The following PLEKHA1 variants were observed in gnomAD, a reference collection of about 807,000 sequenced individuals.
PLEKHA1 encodes the protein pleckstrin homology domain-containing family A member 1.
In PLEKHA1, 34 loss-of-function variants were observed where a neutral mutation model predicts 52.0. The ratio of observed to expected loss-of-function variants is 0.65; its 90% CI spans 0.50 to 0.87. The LOEUF is 0.87. Among genes scored for constraint, PLEKHA1 ranks in the 40% least tolerant of loss-of-function variants. The probability of loss-of-function intolerance (pLI) is 0.00; values close to 1 mark genes in which losing one functional copy is unlikely to be tolerated. For synonymous variants in PLEKHA1, 163 were observed against 170.7 expected, an observed-to-expected ratio of 0.95 and a Z score of 0.35; for missense variants, 497 against 504.2, an observed-to-expected ratio of 0.99 and a Z score of 0.14.
rs970633917 is a variant in PLEKHA1 at position 122,414,050 on chromosome 10, T to C, written c.468+1005T>C. Among the ~76,000 whole-genome samples, 3 of 152,258 alleles carry C rather than the reference T, an allele frequency of 2.0e-5. No homozygotes were observed. In the East Asian group the frequency reaches 5.8e-4, roughly 29 times the overall value. On this transcript the variant is annotated intron_variant, in intron 6 of 11. Transcript: ENST00000368990. ...GGTATGTTAATGAACAGAAATTCCC[T>C]GCTGTCATAGAGCATACATTTTCCA...
intron 1 of PLEKHA1, among the ~76,000 whole-genome samples, chr10:122,376,519 T>G (rs937735701): frequency 3.0e-4 from 24 of 80,922 alleles, no homozygotes; most frequent in African/African-American, 9.6e-4. Flanking sequence ...TATATATATA[T>G]ATATATATAT....
intron 4 of PLEKHA1, 119 bp from the exon 5 acceptor site, chr10:122,406,457 A>G: frequency 2.6e-6 from 2 of 755,658 alleles, no homozygotes; most frequent in East Asian, 2.5e-5. Context: ...GGTCTGATAT[A>G]TTTTGTCAAA....
At position 122,395,308 on chromosome 10, in the gene PLEKHA1, AGTTT is replaced by A. The variant is rs1290310093; in HGVS notation, c.141+1971_141+1974del. ...TAAGTACAGAATTTAAATATTTTTT[AGTTT>A]GTTCTTATTAATTTTATATCTTCTT... is the stretch of plus-strand genomic sequence containing the variant. On this transcript the variant is annotated intron_variant, in intron 2 of 11. Coordinates refer to ENST00000368990, the MANE Select transcript of PLEKHA1 (RefSeq NM_001001974.4). 1.7e-4 allele frequency among the ~76,000 whole-genome samples: 26 copies of A among 152,106 alleles called. No homozygotes were observed. In the East Asian group the frequency reaches 4.6e-3, roughly 27 times the overall value.
rs1326838520 is a variant in PLEKHA1, at chr10:122,431,975, T to A, written c.*2037T>A. ...ACTTTAGTATTTGCAATTTGATATA[T>A]TTCATGGTGGCAAAATATTAGCTCT... On this transcript the variant is annotated 3_prime_UTR_variant, in exon 12 of 12. Transcript: ENST00000368990. 1 of 152,210 alleles carries A rather than the reference T, an allele frequency of 6.6e-6. No homozygotes were observed. The highest frequency in any genetic ancestry group is 2.4e-5 in the African/African-American group (1 of 41,450). 9.4% of individuals were successfully genotyped at this position (152,210 alleles called of 1,614,324 possible). A position where few individuals can be genotyped will look rare whatever the true frequency, so the allele number is the denominator to read the frequency against.
At chr10:122,433,525 T>C (rs1000203756), downstream of PLEKHA1, 4 of 4,362 alleles carry the variant, frequency 9.2e-4, no homozygotes, top group African/African-American at 2.3e-3. Context: ...ATAGGCTTAG[T>C]GTTCTTTTTT....
intron 1 of PLEKHA1, among the ~76,000 whole-genome samples, chr10:122,391,384 C>T (rs542978083): frequency 5.3e-5 from 8 of 152,100 alleles, no homozygotes; most frequent in Non-Finnish European, 8.8e-5. Flanking sequence ...ATATTTTCTT[C>T]TGAAAGTTTT....
chr10:122,398,505 T>A (rs989050350), intron 3 of PLEKHA1, among the ~76,000 whole-genome samples: 2 of 152,066 alleles, frequency 1.3e-5, no homozygotes, highest in African/African-American at 4.8e-5. Flanking sequence ...AAAATTTTGA[T>A]TTTATGTTTG....
intron 8 of PLEKHA1, chr10:122,418,250 T>TG (rs900241251): frequency 2.5e-5 from 7 of 281,846 alleles, no homozygotes; most frequent in Admixed American, 2.4e-4. Context: ...GCTGTCCTCT[T>TG]GGGGGGTTAG....
At chr10:122,391,541 A>G (rs2133969489) in intron 1 of PLEKHA1, among the ~76,000 whole-genome samples, 1 of 152,252 alleles carries the variant, frequency 6.6e-6, no homozygotes, top group African/African-American at 2.4e-5. Flanking sequence ...ATTGAATGGT[A>G]TTAGCACCCT....
intron 1 of PLEKHA1, among the ~76,000 whole-genome samples, chr10:122,379,564 CCTT>C (rs1271148359): frequency 7.2e-5 from 11 of 152,198 alleles, no homozygotes; most frequent in African/African-American, 2.7e-4. Context: ...GTGAAGACCT[CCTT>C]CTTTTCCCTG....
In PLEKHA1 at chr10:122,397,893, G is replaced by T. The variant is rs376617943; in HGVS notation, c.142-25G>T. 1.2e-5 allele frequency: 19 copies of T among 1,520,586 alleles called. No individual in the cohort carries two copies. In the Middle Eastern group the frequency reaches 1.0e-3, roughly 80 times the overall value. 94.2% of individuals were successfully genotyped at this position (1,520,586 alleles called of 1,614,324 possible). ...ATGAATTCATAATATTGGATATTAA[G>T]TATATATTAATACTTTGTTTCTAGA... On this transcript the variant is annotated intron_variant, in intron 2 of 11. Transcript: ENST00000368990.
intron 4 of PLEKHA1, among the ~76,000 whole-genome samples, chr10:122,403,739 C>T (rs1213466153): frequency 2.0e-5 from 3 of 151,876 alleles, no homozygotes; most frequent in Non-Finnish European, 2.9e-5. Context: ...TCCCCCAGGC[C>T]GGAATGCAAT....
intron 8 of PLEKHA1, chr10:122,419,453 C>A (rs1225162997): frequency 6.6e-6 from 1 of 152,120 alleles, no homozygotes; most frequent in African/African-American, 2.4e-5. Context: ...CTTGTTGTCT[C>A]AGGAGGCTAT....
At chr10:122,378,590 GC>G (rs1398180584) in intron 1 of PLEKHA1, among the ~76,000 whole-genome samples, 1 of 151,970 alleles carries the variant, frequency 6.6e-6, no homozygotes, top group Admixed American at 6.6e-5. Flanking sequence ...AGAAAAATCA[GC>G]CGGGCGTGGT....
At chr10:122,380,666 G>A (rs2096602234) in intron 1 of PLEKHA1, among the ~76,000 whole-genome samples, 1 of 152,064 alleles carries the variant, frequency 6.6e-6, no homozygotes, top group Non-Finnish European at 1.5e-5. Context: ...GAGTGAGATG[G>A]GATCCCATTG....
chr10:122,395,453 T>C (rs1253798461), intron 2 of PLEKHA1, among the ~76,000 whole-genome samples: 1 of 152,148 alleles, frequency 6.6e-6, no homozygotes, highest in Admixed American at 6.5e-5. Context: ...TTTAGTAAAA[T>C]GTCTTGCTAA....
Position 122,430,778 on chromosome 10 carries a change from C to A in PLEKHA1, c.*840C>A, listed in dbSNP as rs2097409499. ...ATGTAAAGACATAACTGCCCTTAGT[C>A]ATGAAATTGTTGTGACCTCTACTTT... On this transcript the variant is annotated 3_prime_UTR_variant, in exon 12 of 12. Transcript: ENST00000368990. 1 of 152,222 alleles carries A rather than the reference C, an allele frequency of 6.6e-6. No homozygotes were observed. Among genetic ancestry groups the A allele is most frequent in the Non-Finnish European group, 1.5e-5 (1 of 68,036 alleles). The allele number at this position is 152,222 out of a possible 1,614,324, so 9.4% of individuals were successfully genotyped here.
chr10:122,419,518 C>G (rs557702956), intron 8 of PLEKHA1: 1 of 152,028 alleles, frequency 6.6e-6, no homozygotes, highest in Non-Finnish European at 1.5e-5. Flanking sequence ...CCAATACTCC[C>G]GGGAAGAGTC....
chr10:122,430,152 A>C lies in PLEKHA1; in HGVS notation c.*214A>C. The C allele has an allele frequency of 2.0e-6, 1 of 503,026 alleles. No homozygotes were observed. The highest frequency in any genetic ancestry group is 3.4e-6 in the Non-Finnish European group (1 of 294,694). 31.2% of individuals were successfully genotyped at this position (503,026 alleles called of 1,614,324 possible). ...AAGAAAGAAAAAGGAAAAATCCAAA[A>C]TATCTCAGTATCATCTGTCTGAAGC... On this transcript the variant is annotated 3_prime_UTR_variant, in exon 12 of 12. Coordinates refer to ENST00000368990, the MANE Select transcript of PLEKHA1 (RefSeq NM_001001974.4).
Sources: allele counts gnomAD v4.1 joint callset (sites outside exome capture counted in the v4.1 genomes callset), GRCh38; gene constraint gnomAD v4.1.1; transcripts MANE v1.5; gene names NCBI Gene and HGNC (gene_info 2026-07-23, HGNC 2026-07-21).